The following PPP5C variants were observed in gnomAD, a reference collection of about 807,000 sequenced individuals.
PPP5C encodes the protein serine/threonine-protein phosphatase 5.
A neutral mutation model predicts 66.7 loss-of-function variants in PPP5C; 21 were observed. That is an observed-to-expected ratio of 0.31 (90% CI 0.22 to 0.45). The LOEUF (loss-of-function observed/expected upper bound fraction) is 0.45. PPP5C is among the 20% of genes least tolerant of loss of function. PPP5C has a pLI of 1.00. For missense variants in PPP5C, 464 were observed against 675.9 expected, an observed-to-expected ratio of 0.69 and a Z score of 3.48; for synonymous variants, 246 against 257.4, an observed-to-expected ratio of 0.96 and a Z score of 0.43.
chr19:46,354,807 A>C (rs1972255237), intron 2 of PPP5C, among the ~76,000 whole-genome samples: 1 of 151,960 alleles, frequency 6.6e-6, no homozygotes, highest in African/African-American at 2.4e-5. Context: ...AAAAAAAAAA[A>C]CAAGAAGGGT....
intron 9 of PPP5C, chr19:46,387,772 C>T (rs1972916985): frequency 1.2e-5 from 15 of 1,273,432 alleles, no homozygotes; most frequent in Non-Finnish European, 1.5e-5. Context: ...GTGACGGGCA[C>T]ACTTCAGAGA....
Position 46,357,343 on chromosome 19 carries a change from C to G in PPP5C, c.363+3354C>G, listed in dbSNP as rs1380400181. Among the ~76,000 whole-genome samples the G allele has an allele frequency of 3.3e-5, 5 of 152,276 alleles. No homozygotes were observed. In the South Asian group the frequency reaches 6.2e-4, roughly 19 times the overall value. On this transcript the variant is annotated intron_variant, in intron 2 of 12. Transcript: ENST00000012443. ...GCTTACAAGCATGAGCCATGGCACC[C>G]GGCCCCAAAGTGTTTTTTCTATTCT...
chr19:46,390,533 G>T lies in PPP5C; in HGVS notation c.*187G>T, dbSNP rs193182572. The T allele has an allele frequency of 4.3e-3, 6,119 of 1,438,526 alleles. 19 individuals carry two copies. Among genetic ancestry groups the T allele is most frequent in the Non-Finnish European group, 4.9e-3 (5,324 of 1,094,978 alleles). The allele number at this position is 1,438,526 out of a possible 1,614,324, so 89.1% of individuals were successfully genotyped here. The stretch of plus-strand genomic sequence containing the variant: ...GGCAGAGTCAGGGGCTGGCCAGAGG[G>T]TCTGCTCCCTGGACAGAGAGGAAGG... On this transcript the variant is annotated 3_prime_UTR_variant, in exon 13 of 13. Transcript: ENST00000012443.
chr19:46,368,361 TGGCGA>T (rs1438073115), intron 2 of PPP5C, among the ~76,000 whole-genome samples: 1 of 152,204 alleles, frequency 6.6e-6, no homozygotes, highest in Non-Finnish European at 1.5e-5. Flanking sequence ...CAGCTACTCG[TGGCGA>T]GTGTCCTTTC....
chr19:46,355,315 C>T (rs1972266012), intron 2 of PPP5C, among the ~76,000 whole-genome samples: 1 of 152,186 alleles, frequency 6.6e-6, no homozygotes, highest in African/African-American at 2.4e-5. Flanking sequence ...CCTTCCCTTG[C>T]AACCATCACA....
chr19:46,390,733 C>T lies in PPP5C; in HGVS notation c.*387C>T, dbSNP rs558065910. On this transcript the variant is annotated 3_prime_UTR_variant, in exon 13 of 13. Transcript: ENST00000012443. ...CCCAGAGAGAGGGTCAGCAGGGGGG[C>T]CCCGCCTGCGCCTCCCCTCCTATAG... is the stretch of plus-strand genomic sequence containing the variant. The T allele has an allele frequency of 1.8e-6, 2 of 1,139,726 alleles. No homozygotes were observed. The highest frequency in any genetic ancestry group is 1.1e-6 in the Non-Finnish European group (1 of 918,032). The allele number at this position is 1,139,726 out of a possible 1,614,324, so 70.6% of individuals were successfully genotyped here. A position where few individuals can be genotyped will look rare whatever the true frequency, so the allele number is the denominator to read the frequency against.
At chr19:46,363,339 A>C (rs1383829733) in intron 2 of PPP5C, among the ~76,000 whole-genome samples, 46 of 130,188 alleles carry the variant, frequency 3.5e-4, no homozygotes, top group African/African-American at 1.2e-3. Flanking sequence ...AAAAAAAAAA[A>C]AAAAAAAACA....
chr19:46,360,871 C>T (rs1336777409), intron 2 of PPP5C, among the ~76,000 whole-genome samples: 1 of 152,140 alleles, frequency 6.6e-6, no homozygotes, highest in Non-Finnish European at 1.5e-5. Flanking sequence ...TCACACATCA[C>T]TGTGAAATAA....
chr19:46,367,365 C>G (rs1195474370), intron 2 of PPP5C, among the ~76,000 whole-genome samples: 1 of 152,162 alleles, frequency 6.6e-6, no homozygotes, highest in Non-Finnish European at 1.5e-5. Context: ...CAGAGTCACA[C>G]CAACATCTTC....
At chr19:46,367,791 T>C (rs762287708) in intron 2 of PPP5C, among the ~76,000 whole-genome samples, 2 of 152,122 alleles carry the variant, frequency 1.3e-5, no homozygotes, top group Admixed American at 6.5e-5. Context: ...AAGATGTCTG[T>C]CATGGACACA....
intron 1 of PPP5C, among the ~76,000 whole-genome samples, chr19:46,350,574 G>A (rs992040980): frequency 1.3e-5 from 2 of 152,164 alleles, no homozygotes; most frequent in Admixed American, 6.5e-5. Flanking sequence ...TCAGGCAGTA[G>A]CAGGCACAGA....
At chr19:46,386,306 G>A (rs1972884565) in intron 7 of PPP5C, among the ~76,000 whole-genome samples, 1 of 152,208 alleles carries the variant, frequency 6.6e-6, no homozygotes, top group Non-Finnish European at 1.5e-5. Context: ...GCCGGGGTGA[G>A]TTGGGAGGTG....
At chr19:46,364,328 A>G (rs901045446) in intron 2 of PPP5C, among the ~76,000 whole-genome samples, 1 of 152,184 alleles carries the variant, frequency 6.6e-6, no homozygotes, top group African/African-American at 2.4e-5. Flanking sequence ...CAGATAGTAA[A>G]CATTCGGCCA....
intron 2 of PPP5C, among the ~76,000 whole-genome samples, chr19:46,363,949 C>G (rs748668418): frequency 6.6e-6 from 1 of 152,142 alleles, no homozygotes; most frequent in Non-Finnish European, 1.5e-5. Context: ...ATGCTTGGGG[C>G]TCCATGAGGA....
At chr19:46,355,305 C>T (rs1334359032) in intron 2 of PPP5C, among the ~76,000 whole-genome samples, 1 of 152,194 alleles carries the variant, frequency 6.6e-6, no homozygotes, top group East Asian at 1.9e-4. Flanking sequence ...TTCACTCCCT[C>T]CTTCCCTTGC....
At position 46,375,612 on chromosome 19, in the gene PPP5C, G is replaced by C. The variant is rs1972679535; in HGVS notation, c.372G>C (p.Lys124Asn). ...AALRDYETVV[K>N]VKPHDKDAKM... is the part of the protein sequence containing the mutation. ...CCTTCCCTCCCACCCAGGTGGTCAA[G>C]GTGAAGCCCCATGACAAGGATGCCA... Residue 124 changes from lysine to asparagine, a missense_variant, in exon 3 of 13, where the codon AAG becomes AAC. Lys to Asn is a moderately conservative substitution (Grantham distance 94). Coordinates refer to ENST00000012443, the MANE Select transcript of PPP5C (RefSeq NM_006247.4). 6.2e-7 allele frequency: 1 copy of C among 1,614,026 alleles called. No individual in the cohort carries two copies. Among genetic ancestry groups the C allele is most frequent in the East Asian group, 2.2e-5 (1 of 44,874 alleles).
At chr19:46,377,927 A>G (rs765871166) in intron 4 of PPP5C, among the ~76,000 whole-genome samples, 14 of 152,224 alleles carry the variant, frequency 9.2e-5, no homozygotes, top group Non-Finnish European at 1.9e-4. Context: ...TTTTATAAGT[A>G]TAAGCTGCTA....
At chr19:46,350,348 G>A (rs767348527) in intron 1 of PPP5C, among the ~76,000 whole-genome samples, 2 of 152,204 alleles carry the variant, frequency 1.3e-5, no homozygotes, top group African/African-American at 4.8e-5. Flanking sequence ...GGTGGAAGGT[G>A]GAATTCCCTG....
chr19:46,387,752 T>C, intron 9 of PPP5C: 1 of 1,332,676 alleles, frequency 7.5e-7, no homozygotes, highest in Non-Finnish European at 9.7e-7. Flanking sequence ...GTCTTGGGGC[T>C]CCTGTGCTAG....
Sources: gnomAD v4.1 joint callset for allele counts (sites outside exome capture counted in the v4.1 genomes callset) on GRCh38, gnomAD v4.1.1 for gene constraint, MANE v1.5 for transcripts, NCBI Gene and HGNC (gene_info 2026-07-23, HGNC 2026-07-21) for gene names.